Variants in PPP3CB observed in about 807,000 individuals in gnomAD.
PPP3CB encodes protein phosphatase 3 catalytic subunit beta.
A neutral mutation model predicts 66.4 loss-of-function variants in PPP3CB; 8 were observed. The ratio of observed to expected loss-of-function variants is 0.12; its 90% CI spans 0.07 to 0.22. The LOEUF is 0.22. PPP3CB is among the 10% of genes least tolerant of loss of function. The pLI is 1.00. For missense variants in PPP3CB, 319 were observed against 642.5 expected (o/e 0.50, Z 5.44); for synonymous variants, 208 against 221.2 (o/e 0.94, Z 0.53).
intron 1 of PPP3CB, among the ~76,000 whole-genome samples, chr10:73,488,553 A>T (rs889228432): frequency 1.6e-5 from 2 of 129,004 alleles, no homozygotes; most frequent in Non-Finnish European, 3.3e-5. Flanking sequence ...CTTGAGGGTT[A>T]AAAAAAAAAA....
intron 4 of PPP3CB, among the ~76,000 whole-genome samples, chr10:73,472,233 G>A (rs755830806): frequency 2.6e-5 from 4 of 152,168 alleles, no homozygotes; most frequent in African/African-American, 9.7e-5. Context: ...GGTGGCTCAC[G>A]CCTGTAATCC....
intron 9 of PPP3CB, among the ~76,000 whole-genome samples, chr10:73,465,470 G>A (rs1323602573): frequency 6.6e-6 from 1 of 152,112 alleles, no homozygotes; most frequent in Non-Finnish European, 1.5e-5. Flanking sequence ...CCCAAGGCAG[G>A]AGGATTACAT....
chr10:73,464,855 C>T (rs558400501), intron 9 of PPP3CB, among the ~76,000 whole-genome samples: 2 of 151,322 alleles, frequency 1.3e-5, no homozygotes, highest in East Asian at 1.9e-4. Flanking sequence ...CACTTAAACC[C>T]GGGGGATGGA....
intron 1 of PPP3CB, 73 bp from the exon 2 acceptor site, chr10:73,479,590 A>G (rs902431911): frequency 1.3e-5 from 18 of 1,373,278 alleles, no homozygotes; most frequent in African/African-American, 2.9e-5. Flanking sequence ...AATTGGATCT[A>G]GATAAGACTA....
At chr10:73,447,115 C>T (rs1357172028) in intron 10 of PPP3CB, among the ~76,000 whole-genome samples, 2 of 152,214 alleles carry the variant, frequency 1.3e-5, no homozygotes, top group Non-Finnish European at 2.9e-5. Context: ...GAAGGAGCTA[C>T]TGTGCAGGTA....
chr10:73,486,237 C>G (rs1212249793), intron 1 of PPP3CB, among the ~76,000 whole-genome samples: 1 of 151,650 alleles, frequency 6.6e-6, no homozygotes, highest in African/African-American at 2.4e-5. Flanking sequence ...AGCCACCACG[C>G]CCAGCCAATT....
intron 11 of PPP3CB, 98 bp downstream of exon 11, chr10:73,446,394 C>T (rs1358062583): frequency 1.1e-5 from 13 of 1,146,234 alleles, no homozygotes; most frequent in Admixed American, 3.4e-5. Flanking sequence ...GCCACCATAC[C>T]CGGCCCCATT....
At chr10:73,474,765 C>T (rs997094980) in intron 4 of PPP3CB, among the ~76,000 whole-genome samples, 154 bp downstream of exon 4, 1 of 152,086 alleles carries the variant, frequency 6.6e-6, no homozygotes, top group Non-Finnish European at 1.5e-5. Flanking sequence ...CCATTAAACA[C>T]CAGAGAGTGC....
At chr10:73,476,161 A>T (rs1409483453) in intron 3 of PPP3CB, among the ~76,000 whole-genome samples, 1 of 152,038 alleles carries the variant, frequency 6.6e-6, no homozygotes, top group Admixed American at 6.6e-5. Flanking sequence ...ACCCAACAAA[A>T]CTTTATTGTT....
At chr10:73,493,291 A>T (rs2057109218) in intron 1 of PPP3CB, among the ~76,000 whole-genome samples, 1 of 151,792 alleles carries the variant, frequency 6.6e-6, no homozygotes, top group African/African-American at 2.4e-5. Context: ...AAAAAAAAAA[A>T]TTCCAGGGAG....
At chr10:73,483,921 A>C (rs2056926437) in intron 1 of PPP3CB, among the ~76,000 whole-genome samples, 1 of 152,200 alleles carries the variant, frequency 6.6e-6, no homozygotes, top group Admixed American at 6.5e-5. Flanking sequence ...AGGCAGGCAG[A>C]TCACTTGTGG....
rs1474301917 is a variant in PPP3CB at position 73,463,129 on chromosome 10, C to G, written c.1108+4424G>C. Among the ~76,000 whole-genome samples, 3 of 152,062 alleles carry G rather than the reference C, an allele frequency of 2.0e-5. No individual in the cohort carries two copies. In the East Asian group the frequency reaches 5.8e-4, roughly 29 times the overall value. Reference sequence around the variant, plus strand: ...CAGACTCAAAATATCCAAGTCATCTCCAACCATTCCCTACCCTTAAATATG... The same window carrying G: ...CAGACTCAAAATATCCAAGTCATCTGCAACCATTCCCTACCCTTAAATATG... On this transcript the variant is annotated intron_variant, in intron 9 of 13. Transcript: ENST00000360663.
intron 9 of PPP3CB, among the ~76,000 whole-genome samples, chr10:73,465,954 AAAC>A (rs2056611595): frequency 6.6e-6 from 1 of 152,236 alleles, no homozygotes; most frequent in African/African-American, 2.4e-5. Context: ...ATCTAAAGAA[AAAC>A]AACAAAAATG....
chr10:73,461,176 G>A (rs78349575), intron 9 of PPP3CB, among the ~76,000 whole-genome samples: 7,086 of 152,280 alleles, frequency 0.047, 502 homozygotes, highest in African/African-American at 0.15. Context: ...TGACTGGCGT[G>A]ATGGCTCACA....
chr10:73,472,494 CAAA>C (rs748895209), intron 4 of PPP3CB, among the ~76,000 whole-genome samples: 9 of 77,282 alleles, frequency 1.2e-4, no homozygotes, highest in Non-Finnish European at 1.4e-4. Flanking sequence ...GACTCTGTCT[CAAA>C]AAAAAAAAAA....
intron 9 of PPP3CB, among the ~76,000 whole-genome samples, chr10:73,465,049 TTGAGA>T (rs2132894433): frequency 6.6e-6 from 1 of 152,038 alleles, no homozygotes; most frequent in East Asian, 1.9e-4. Context: ...TAGAAAAGAG[TTGAGA>T]TTTGTTTCAA....
At position 73,471,214 on chromosome 10, in the gene PPP3CB, GAAAGAAAGA is replaced by G. The variant is rs756169589; in HGVS notation, c.670-14_670-6del. ...TGGCTCTTTGAATCTATCTAACTGT[GAAAGAAAGA>G]AAAGAAAGAACAGAAGTAACTCATC... is the stretch of plus-strand genomic sequence containing the variant. On this transcript the variant is annotated splice_polypyrimidine_tract_variant and splice_region_variant and intron_variant, in intron 5 of 13. Coordinates refer to ENST00000360663, the MANE Select transcript of PPP3CB (RefSeq NM_021132.4). The G allele has an allele frequency of 1.4e-5, 22 of 1,576,924 alleles. No individual in the cohort carries two copies. The Admixed American group carries it at 3.7e-4, about 26-fold the overall frequency.
chr10:73,452,142 C>A (rs1014433849), intron 10 of PPP3CB, among the ~76,000 whole-genome samples: 2 of 152,034 alleles, frequency 1.3e-5, no homozygotes, highest in African/African-American at 4.8e-5. Context: ...CTAAATATTT[C>A]ACAGATTTTG....
intron 3 of PPP3CB, among the ~76,000 whole-genome samples, chr10:73,477,752 C>A (rs952870352): frequency 6.6e-6 from 1 of 151,766 alleles, no homozygotes; most frequent in African/African-American, 2.4e-5. Flanking sequence ...TCCATTGCTA[C>A]AAAAAAATTA....
Sources: allele counts gnomAD v4.1 joint callset (sites outside exome capture counted in the v4.1 genomes callset), GRCh38; gene constraint gnomAD v4.1.1; transcripts MANE v1.5; gene names NCBI Gene and HGNC (gene_info 2026-07-23, HGNC 2026-07-21).